CDH13: variants seen among roughly 807,000 people sequenced by gnomAD.
CDH13 encodes the protein cadherin 13.
CDH13 carries 24 observed loss-of-function variants against 63.8 expected under a neutral mutation model. The ratio of observed to expected loss-of-function variants is 0.38; its 90% CI spans 0.27 to 0.53. CDH13 has a LOEUF of 0.53. CDH13 is among the 20% of genes least tolerant of loss of function. CDH13 has a pLI of 0.85. For synonymous variants in CDH13, 503 were observed against 355.3 expected (o/e 1.42, Z -4.67); for missense variants, 1,049 against 903.1 (o/e 1.16, Z -2.07).
intron 11 of CDH13, among the ~76,000 whole-genome samples, chr16:83,776,080 T>C (rs1359563570): frequency 6.6e-6 from 1 of 152,182 alleles, no homozygotes; most frequent in African/African-American, 2.4e-5. Flanking sequence ...CTTTAACTCA[T>C]CGCCCAAAGT....
chr16:83,300,532 A>G (rs2089709261), intron 5 of CDH13, among the ~76,000 whole-genome samples: 1 of 152,254 alleles, frequency 6.6e-6, no homozygotes, highest in Non-Finnish European at 1.5e-5. Context: ...CTGCCAGTTC[A>G]TGTGTTGGTT....
chr16:83,098,674 T>G (rs1249773216), intron 3 of CDH13, among the ~76,000 whole-genome samples: 1 of 152,254 alleles, frequency 6.6e-6, no homozygotes, highest in Non-Finnish European at 1.5e-5. Context: ...TTTCAACGGT[T>G]CACTCCATTA....
At chr16:82,951,609 T>C (rs949540674) in intron 2 of CDH13, among the ~76,000 whole-genome samples, 1 of 152,166 alleles carries the variant, frequency 6.6e-6, no homozygotes, top group East Asian at 1.9e-4. Context: ...AGCAGGAGTT[T>C]CCTTACTGCC....
intron 5 of CDH13, among the ~76,000 whole-genome samples, chr16:83,246,695 T>TG (rs2151820512): frequency 6.6e-6 from 1 of 152,318 alleles, no homozygotes; most frequent in East Asian, 1.9e-4. Flanking sequence ...CCTCTGCCTT[T>TG]GAGGCCCCTA....
chr16:83,557,816 C>G (rs527365467), intron 7 of CDH13, among the ~76,000 whole-genome samples: 81 of 152,266 alleles, frequency 5.3e-4, no homozygotes, highest in African/African-American at 1.9e-3. Flanking sequence ...CCCCAGCCAC[C>G]TGTGACTTAG....
At chr16:83,743,748 C>CCTTTTTT (rs1912280138) in intron 10 of CDH13, among the ~76,000 whole-genome samples, 35 of 76,258 alleles carry the variant, frequency 4.6e-4, no homozygotes, top group African/African-American at 1.8e-3. Context: ...TTTCTTTTTT[C>CCTTTTTT]TTTTTTTTTT....
intron 4 of CDH13, among the ~76,000 whole-genome samples, chr16:83,194,780 G>A (rs572456776): frequency 1.6e-4 from 24 of 152,316 alleles, no homozygotes; most frequent in African/African-American, 5.3e-4. Context: ...AGCATTACCT[G>A]AGACGGGTCT....
At chr16:83,472,917 G>A (rs954951188) in intron 6 of CDH13, among the ~76,000 whole-genome samples, 3 of 152,270 alleles carry the variant, frequency 2.0e-5, no homozygotes, top group East Asian at 3.9e-4. Flanking sequence ...TGGCCTGATG[G>A]CTTGGAAGAG....
Position 83,060,807 on chromosome 16 carries a change from A to G in CDH13, c.366+28589A>G, listed in dbSNP as rs184700340. Among the ~76,000 whole-genome samples, 8 of 152,160 alleles carry G rather than the reference A, an allele frequency of 5.3e-5. No individual in the cohort carries two copies. In the South Asian group the frequency reaches 6.2e-4, roughly 12 times the overall value. On this transcript the variant is annotated intron_variant, in intron 3 of 13. Transcript: ENST00000567109. ...TGTCTGTTTTCACAGTCTGCTGTGA[A>G]CCCTTGCTTTCAGCTGGGACACTGT...
intron 6 of CDH13, among the ~76,000 whole-genome samples, chr16:83,451,951 G>C (rs907759748): frequency 6.6e-6 from 1 of 152,142 alleles, no homozygotes; most frequent in African/African-American, 2.4e-5. Flanking sequence ...CCAGCTCAGG[G>C]ATTTTGCTCT....
intron 13 of CDH13, among the ~76,000 whole-genome samples, chr16:83,787,349 A>AG (rs1915953990): frequency 6.6e-6 from 1 of 152,118 alleles, no homozygotes; most frequent in African/African-American, 2.4e-5. Flanking sequence ...ACCCTTTAAA[A>AG]ACGTGAAAAC....
chr16:83,113,714 G>A (rs57749944), intron 3 of CDH13, among the ~76,000 whole-genome samples: 3,292 of 152,228 alleles, frequency 0.022, 117 homozygotes, highest in African/African-American at 0.075. Context: ...TAGAAGGATG[G>A]GTGGGGGGTT....
chr16:83,330,985 T>A (rs1318121937), intron 5 of CDH13, among the ~76,000 whole-genome samples: 1 of 152,232 alleles, frequency 6.6e-6, no homozygotes, highest in African/African-American at 2.4e-5. Flanking sequence ...ACTTAATGAT[T>A]GCTATGTGGC....
At chr16:83,077,139 A>C (rs2032896290) in intron 3 of CDH13, among the ~76,000 whole-genome samples, 1 of 146,182 alleles carries the variant, frequency 6.8e-6, no homozygotes, top group South Asian at 2.2e-4. Context: ...TCTTTCACTC[A>C]GCATAAGATT....
chr16:83,288,910 C>T (rs2089395083), intron 5 of CDH13, among the ~76,000 whole-genome samples: 1 of 152,144 alleles, frequency 6.6e-6, no homozygotes, highest in African/African-American at 2.4e-5. Context: ...GAACATTCGC[C>T]TGGATTTGCA....
At chr16:83,525,272 A>C (rs2074935485) in intron 7 of CDH13, among the ~76,000 whole-genome samples, 1 of 152,176 alleles carries the variant, frequency 6.6e-6, no homozygotes, top group Non-Finnish European at 1.5e-5. Context: ...ACTGGCATTT[A>C]CTGAGCACTT....
chr16:82,665,905 C>T (rs1365153504), intron 1 of CDH13, among the ~76,000 whole-genome samples: 1 of 152,098 alleles, frequency 6.6e-6, no homozygotes, highest in Non-Finnish European at 1.5e-5. Flanking sequence ...TATTGTACCA[C>T]ATATTTCTGG....
At chr16:83,629,652 C>A (rs543278826) in intron 8 of CDH13, among the ~76,000 whole-genome samples, 2 of 152,200 alleles carry the variant, frequency 1.3e-5, no homozygotes, top group African/African-American at 4.8e-5. Flanking sequence ...AAATTACACT[C>A]CCTCATTTAT....
At chr16:83,002,702 C>T (rs1172452581) in intron 2 of CDH13, among the ~76,000 whole-genome samples, 1 of 152,022 alleles carries the variant, frequency 6.6e-6, no homozygotes, top group Admixed American at 6.5e-5. Flanking sequence ...GCATGATCAT[C>T]AGGAAAGATG....
Sources: allele counts gnomAD v4.1 joint callset (sites outside exome capture counted in the v4.1 genomes callset), GRCh38; gene constraint gnomAD v4.1.1; transcripts MANE v1.5; gene names NCBI Gene and HGNC (gene_info 2026-07-23, HGNC 2026-07-21).